The following CPED1 variants were observed in gnomAD, a reference collection of about 807,000 sequenced individuals.
CPED1 encodes the protein cadherin like and PC-esterase domain containing 1.
CPED1 carries 114 observed loss-of-function variants against 128.2 expected under a neutral mutation model. The observed-to-expected ratio is 0.89, with a 90% CI of 0.76 to 1.04. The LOEUF is 1.04. CPED1 is among the 50% of genes least tolerant of loss of function. The probability of loss-of-function intolerance (pLI) is 0.00; values close to 1 mark genes in which losing one functional copy is unlikely to be tolerated. For synonymous variants in CPED1, 462 were observed against 426.7 expected (o/e 1.08, Z -1.02); for missense variants, 1,211 against 1,207.1 (o/e 1.00, Z -0.05).
chr7:121,088,654 T>C (rs1173762033), intron 5 of CPED1, among the ~76,000 whole-genome samples: 1 of 123,434 alleles, frequency 8.1e-6, no homozygotes, highest in Non-Finnish European at 1.8e-5. Context: ...GCGAGACTGC[T>C]TCTCAAAAAA....
Position 121,130,142 on chromosome 7 carries a change from T to G in CPED1, c.1425T>G (p.Thr475=). The change falls in exon 12 of 23, where the codon ACT becomes ACG. Residue 475 remains threonine, a synonymous_variant. Transcript: ENST00000310396. ...GQFQLLFPST[T]PGIQSLMHEF... Reference sequence around the variant, plus strand: ...GTTCTCAGCTCTTCCCATCTACTACTCCTGGGATTCAGTCACTGATGCATG... The same window carrying G: ...GTTCTCAGCTCTTCCCATCTACTACGCCTGGGATTCAGTCACTGATGCATG... 6.2e-7 allele frequency: 1 copy of G among 1,612,646 alleles called. No individual in the cohort carries two copies. Among genetic ancestry groups the G allele is most frequent in the Non-Finnish European group, 8.5e-7 (1 of 1,178,924 alleles).
intron 5 of CPED1, among the ~76,000 whole-genome samples, chr7:121,076,148 A>G (rs922408615): frequency 6.6e-6 from 1 of 152,212 alleles, no homozygotes; most frequent in Non-Finnish European, 1.5e-5. Context: ...AGGAAGGGGA[A>G]CACTGCCAAT....
At chr7:121,119,773 T>C (rs1795343153) in intron 7 of CPED1, among the ~76,000 whole-genome samples, 1 of 152,088 alleles carries the variant, frequency 6.6e-6, no homozygotes, top group Admixed American at 6.5e-5. Flanking sequence ...AACCAATCTC[T>C]AGAACTTTTT....
At position 121,295,598 on chromosome 7, in the gene CPED1, G is replaced by A. The variant is rs1306674122; in HGVS notation, c.3027G>A (p.Gln1009=). The change falls in exon 23 of 23, where the codon CAG becomes CAA. Residue 1009 remains glutamine, a synonymous_variant. Coordinates refer to ENST00000310396, the MANE Select transcript of CPED1 (RefSeq NM_024913.5). ...SPYHVRGPIN[Q]VCSEILLSRM... is the part of the protein sequence containing the mutation. ...ATCATGTCAGAGGTCCAATAAATCA[G>A]GTTTGTTCTGAAATCCTTCTCAGCA... is the stretch of plus-strand genomic sequence containing the variant. The A allele has an allele frequency of 1.2e-6, 2 of 1,614,084 alleles. No individual in the cohort carries two copies. The highest frequency in any genetic ancestry group is 2.2e-5 in the East Asian group (1 of 44,878).
intron 2 of CPED1, among the ~76,000 whole-genome samples, chr7:121,000,154 G>A (rs1389198995): frequency 2.0e-5 from 3 of 152,056 alleles, no homozygotes; most frequent in African/African-American, 4.8e-5. Flanking sequence ...TTTTGGTTTC[G>A]TTTTCCCCCT....
chr7:121,037,292 A>G (rs968825389), intron 3 of CPED1, among the ~76,000 whole-genome samples: 1 of 152,108 alleles, frequency 6.6e-6, no homozygotes, highest in African/African-American at 2.4e-5. Context: ...TAAGTCTTTG[A>G]TTCATCTTGA....
Position 121,034,477 on chromosome 7 carries a change from A to G in CPED1, c.434-12410A>G, listed in dbSNP as rs1792832737. On this transcript the variant is annotated intron_variant, in intron 3 of 22. Coordinates refer to ENST00000310396, the MANE Select transcript of CPED1 (RefSeq NM_024913.5). ...TGGCCAGGCTGTTCTCAAACTCCTGACCTCGTGATCTGCCCGCCTCTGCCT... is the reference window on the plus strand; with the variant it reads ...TGGCCAGGCTGTTCTCAAACTCCTGGCCTCGTGATCTGCCCGCCTCTGCCT... 2.0e-5 allele frequency among the ~76,000 whole-genome samples: 3 copies of G among 151,830 alleles called. No homozygotes were observed. The South Asian group carries it at 6.2e-4, about 32-fold the overall frequency.
chr7:121,140,760 A>T (rs1319154329), intron 14 of CPED1, 67 bp from the exon 15 acceptor site: 1 of 1,124,770 alleles, frequency 8.9e-7, no homozygotes, highest in African/African-American at 1.6e-5. Flanking sequence ...AAACCTAATC[A>T]TATATTATTT....
intron 3 of CPED1, among the ~76,000 whole-genome samples, chr7:121,026,285 T>G (rs1259540043): frequency 6.6e-6 from 1 of 152,180 alleles, no homozygotes; most frequent in Non-Finnish European, 1.5e-5. Flanking sequence ...TCTACCTGCT[T>G]CCTTACAGTT....
At chr7:121,246,800 T>C (rs1476352256) in intron 18 of CPED1, among the ~76,000 whole-genome samples, 2 of 151,892 alleles carry the variant, frequency 1.3e-5, no homozygotes, top group African/African-American at 4.8e-5. Context: ...TGAGAGAGGG[T>C]ATTGCAAAAT....
chr7:121,247,480 G>C lies in CPED1; in HGVS notation c.2310+3142G>C, dbSNP rs1254320649. Among the ~76,000 whole-genome samples, 7 of 152,190 alleles carry C rather than the reference G, an allele frequency of 4.6e-5. No homozygotes were observed. The East Asian group carries it at 1.3e-3, about 29-fold the overall frequency. On this transcript the variant is annotated intron_variant, in intron 18 of 22. Coordinates refer to ENST00000310396, the MANE Select transcript of CPED1 (RefSeq NM_024913.5). ...TAAACCAACATTTGGACAGATCTTT[G>C]GAGAGAAAACGCCAAAAGCAGATGG...
intron 4 of CPED1, among the ~76,000 whole-genome samples, chr7:121,057,479 G>A (rs1430642934): frequency 6.6e-6 from 1 of 152,070 alleles, no homozygotes; most frequent in East Asian, 1.9e-4. Context: ...TGATCTTTAT[G>A]TCCATGAGTA....
At chr7:121,270,895 T>C (rs1792217325) in intron 21 of CPED1, among the ~76,000 whole-genome samples, 1 of 152,106 alleles carries the variant, frequency 6.6e-6, no homozygotes, top group Non-Finnish European at 1.5e-5. Flanking sequence ...AATAGTTTTT[T>C]CTAATTCTGT....
intron 16 of CPED1, among the ~76,000 whole-genome samples, chr7:121,194,219 T>C (rs1797219940): frequency 1.3e-5 from 2 of 151,594 alleles, no homozygotes; most frequent in Admixed American, 1.3e-4. Context: ...AGCTAATTTT[T>C]GTATTTATTT....
intron 16 of CPED1, among the ~76,000 whole-genome samples, chr7:121,193,525 GCTT>G (rs1797194757): frequency 6.6e-6 from 1 of 151,810 alleles, no homozygotes; most frequent in Admixed American, 6.6e-5. Flanking sequence ...TTCTTTAATT[GCTT>G]CTTCTCATGG....
chr7:121,153,373 G>A (rs1270596145), intron 16 of CPED1, among the ~76,000 whole-genome samples: 1 of 152,070 alleles, frequency 6.6e-6, no homozygotes, highest in African/African-American at 2.4e-5. Context: ...CATTCCAAAT[G>A]ACTTTTAGAT....
intron 2 of CPED1, among the ~76,000 whole-genome samples, chr7:121,008,968 C>T (rs1792094091): frequency 6.6e-6 from 1 of 152,210 alleles, no homozygotes; most frequent in Admixed American, 6.5e-5. Context: ...CAGTATCTCT[C>T]AGCAATCCCA....
At chr7:121,035,526 G>C (rs1218468470) in intron 3 of CPED1, among the ~76,000 whole-genome samples, 3 of 152,026 alleles carry the variant, frequency 2.0e-5, no homozygotes, top group African/African-American at 4.8e-5. Flanking sequence ...AGTGGCTATA[G>C]CTTTGATGAT....
chr7:121,120,544 G>A (rs941510981), intron 7 of CPED1, among the ~76,000 whole-genome samples: 4 of 152,038 alleles, frequency 2.6e-5, no homozygotes, highest in Non-Finnish European at 4.4e-5. Flanking sequence ...AGAAACCCTG[G>A]TATACTTTAG....
Sources: gnomAD v4.1 joint callset for allele counts (sites outside exome capture counted in the v4.1 genomes callset) on GRCh38, gnomAD v4.1.1 for gene constraint, MANE v1.5 for transcripts, NCBI Gene and HGNC (gene_info 2026-07-23, HGNC 2026-07-21) for gene names.